The following GSTA1 variants were observed in gnomAD, a reference collection of about 807,000 sequenced individuals.
GSTA1 encodes the protein glutathione S-transferase alpha 1.
A neutral mutation model predicts 21.5 loss-of-function variants in GSTA1; 23 were observed. The observed-to-expected ratio is 1.07, with a 90% CI of 0.77 to 1.52. The LOEUF (loss-of-function observed/expected upper bound fraction) is 1.52. Ranked by LOEUF, GSTA1 falls within the 40% of genes most tolerant of loss-of-function variation. The pLI, the probability that GSTA1 is intolerant of heterozygous loss-of-function variation, is 0.00. For synonymous variants in GSTA1, 125 were observed against 90.0 expected (o/e 1.39, Z -2.20); for missense variants, 301 against 264.2 (o/e 1.14, Z -0.96).
At chr6:52,801,091 G>C (rs1581799268) in intron 1 of GSTA1, among the ~76,000 whole-genome samples, 1 of 152,230 alleles carries the variant, frequency 6.6e-6, no homozygotes, top group East Asian at 1.9e-4. Flanking sequence ...ATGTTGGACA[G>C]TCTGGTCTGG....
chr6:52,801,922 T>A (rs1763726354), intron 1 of GSTA1, among the ~76,000 whole-genome samples: 1 of 143,588 alleles, frequency 7.0e-6, no homozygotes. Context: ...TGATTGCAGG[T>A]CCAGAGCTTT....
At chr6:52,794,050 C>A in intron 5 of GSTA1, 75 bp downstream of exon 5, 1 of 1,577,104 alleles carries the variant, frequency 6.3e-7, no homozygotes, top group South Asian at 1.1e-5. Flanking sequence ...GATCAGTGAC[C>A]CAGGAATGCC....
rs1427311954 is a variant in GSTA1 at position 52,794,037 on chromosome 6, GA to G, written c.414+87del. On this transcript the variant is annotated intron_variant, in intron 5 of 6. Transcript: ENST00000334575. ...GTGTTCAGGAAGTCTCACTGAAAGT[GA>G]AGATCAGTGACCCAGGAATGCCCAG... 1.1e-5 allele frequency: 17 copies of G among 1,515,460 alleles called. 1 individual carries two copies. In the Admixed American group the frequency reaches 2.7e-4, roughly 24 times the overall value. 93.9% of individuals were successfully genotyped at this position (1,515,460 alleles called of 1,614,324 possible). A position where few individuals can be genotyped will look rare whatever the true frequency, so the allele number is the denominator to read the frequency against.
chr6:52,802,009 G>A (rs1053148605), intron 1 of GSTA1, among the ~76,000 whole-genome samples: 1 of 152,078 alleles, frequency 6.6e-6, no homozygotes, highest in African/African-American at 2.4e-5. Flanking sequence ...ATATATATTA[G>A]CCAAATAAAT....
intron 1 of GSTA1, among the ~76,000 whole-genome samples, chr6:52,800,370 T>C (rs1763686603): frequency 6.6e-6 from 1 of 152,248 alleles, no homozygotes; most frequent in Non-Finnish European, 1.5e-5. Context: ...ATATGCATGG[T>C]AATCTTTCAG....
At chr6:52,797,530 C>T in intron 3 of GSTA1, 56 bp downstream of exon 3, 1 of 1,388,150 alleles carries the variant, frequency 7.2e-7, no homozygotes, top group Non-Finnish European at 1.0e-6. Context: ...GCGCAAACCT[C>T]CCCGTGTACC....
chr6:52,801,104 C>T (rs564119574), intron 1 of GSTA1, among the ~76,000 whole-genome samples: 15 of 152,192 alleles, frequency 9.9e-5, no homozygotes, highest in African/African-American at 2.9e-4. Context: ...TGGTCTGGAA[C>T]GCCTGACCTC....
At chr6:52,799,376 C>G in intron 1 of GSTA1, 79 bp from the exon 2 acceptor site, 1 of 890,764 alleles carries the variant, frequency 1.1e-6, no homozygotes, top group South Asian at 1.6e-5. Context: ...TTGAAAACCA[C>G]CAACAATACT....
At chr6:52,792,747 T>C (rs1409829802) in intron 6 of GSTA1, 109 bp downstream of exon 6, 1 of 1,609,978 alleles carries the variant, frequency 6.2e-7, no homozygotes, top group African/African-American at 1.3e-5. Context: ...CTTGGGGCAC[T>C]GAAGGCCTGG....
At chr6:52,801,038 C>T (rs1285064732) in intron 1 of GSTA1, among the ~76,000 whole-genome samples, 4 of 152,112 alleles carry the variant, frequency 2.6e-5, no homozygotes, top group African/African-American at 9.7e-5. Flanking sequence ...TGTGCCACCA[C>T]ACCCGGATAA....
At chr6:52,793,979 A>T in intron 5 of GSTA1, 146 bp downstream of exon 5, 1 of 974,672 alleles carries the variant, frequency 1.0e-6, no homozygotes, top group Non-Finnish European at 1.6e-6. Flanking sequence ...GTCTATTTTC[A>T]TAAAATGCCT....
chr6:52,802,963 A>G (rs184038991), intron 1 of GSTA1, among the ~76,000 whole-genome samples: 207 of 152,296 alleles, frequency 1.4e-3, no homozygotes, highest in African/African-American at 4.0e-3. Context: ...GGGGCACATC[A>G]GTAACACAGC....
intron 4 of GSTA1, among the ~76,000 whole-genome samples, chr6:52,795,110 A>ATTC (rs35852262): frequency 0.97 from 148,231 of 152,176 alleles, 72,303 homozygotes; most frequent in South Asian, 1. Context: ...CATTAGCAGT[A>ATTC]TTCTTTTTTC....
intron 2 of GSTA1, 130 bp from the exon 3 acceptor site, chr6:52,797,767 G>A: frequency 1.4e-6 from 1 of 722,376 alleles, no homozygotes; most frequent in South Asian, 1.7e-5. Flanking sequence ...CACAGAGGGG[G>A]CTGGTCATGG....
rs74456178 is a variant in GSTA1 at position 52,792,557 on chromosome 6, G to C, written c.546+299C>G. Among the ~76,000 whole-genome samples, 1,205 of 152,260 alleles carry C rather than the reference G, an allele frequency of 7.9e-3. 30 individuals carry two copies. Among genetic ancestry groups the C allele is most frequent in the East Asian group, 0.077 (399 of 5,178 alleles). On this transcript the variant is annotated intron_variant, in intron 6 of 6. Coordinates refer to ENST00000334575, the MANE Select transcript of GSTA1 (RefSeq NM_145740.5). ...CATATGGGATAAAGGACATCACAGA[G>C]AACTCAGGAACAGAAACCACATTGA...
intron 1 of GSTA1, among the ~76,000 whole-genome samples, chr6:52,802,663 T>C (rs758984709): frequency 6.6e-6 from 1 of 152,184 alleles, no homozygotes; most frequent in Admixed American, 6.5e-5. Flanking sequence ...TACCCATCCA[T>C]GTATGTATTA....
chr6:52,797,730 T>C (rs771112932), intron 2 of GSTA1, 93 bp from the exon 3 acceptor site: 1 of 1,132,566 alleles, frequency 8.8e-7, no homozygotes, highest in Non-Finnish European at 1.3e-6. Flanking sequence ...ATTTGGAGAA[T>C]ACAAGATTTC....
chr6:52,800,448 C>G (rs1315106461), intron 1 of GSTA1, among the ~76,000 whole-genome samples: 1 of 152,140 alleles, frequency 6.6e-6, no homozygotes, highest in Non-Finnish European at 1.5e-5. Context: ...GTGAGCATGA[C>G]ATGTTGAAAG....
intron 5 of GSTA1, among the ~76,000 whole-genome samples, chr6:52,793,364 C>T (rs1258466110): frequency 1.3e-5 from 2 of 152,138 alleles, no homozygotes; most frequent in Non-Finnish European, 2.9e-5. Context: ...TGCTCTCTCC[C>T]TCTCCAATCT....
Sources: gnomAD v4.1 joint callset for allele counts (sites outside exome capture counted in the v4.1 genomes callset) on GRCh38, gnomAD v4.1.1 for gene constraint, MANE v1.5 for transcripts, NCBI Gene and HGNC (gene_info 2026-07-23, HGNC 2026-07-21) for gene names.